Variants in CDH18 observed in about 807,000 individuals in gnomAD.
The protein encoded by CDH18 is cadherin 18, also known as cadherin-18.
In CDH18, 31 loss-of-function variants were observed where a neutral mutation model predicts 67.9. That is an observed-to-expected ratio of 0.46 (90% confidence interval 0.34 to 0.62). CDH18 has a LOEUF of 0.62. Ranked by LOEUF, CDH18 falls within the 20% of genes least tolerant of loss-of-function variation. The probability of loss-of-function intolerance (pLI) is 0.01; values close to 1 mark genes in which losing one functional copy is unlikely to be tolerated. For synonymous variants in CDH18, 362 were observed against 347.2 expected, an observed-to-expected ratio of 1.04 and a Z score of -0.48; for missense variants, 890 against 975.5, an observed-to-expected ratio of 0.91 and a Z score of 1.17.
At chr5:20,332,808 A>T (rs752466902) in intron 1 of CDH18, among the ~76,000 whole-genome samples, 60 of 152,124 alleles carry the variant, frequency 3.9e-4, no homozygotes, top group Non-Finnish European at 8.1e-4. Context: ...GGTGGCTGAA[A>T]AGTCTTCTGA....
At chr5:19,666,090 C>T (rs1020449017) in intron 5 of CDH18, among the ~76,000 whole-genome samples, 1 of 151,190 alleles carries the variant, frequency 6.6e-6, no homozygotes, top group Non-Finnish European at 1.5e-5. Flanking sequence ...TTTTTTTTGA[C>T]ACAGGGTCTT....
rs149900149 is a variant in CDH18, at chr5:20,568,161, A to G, written c.-580+7301T>C. Among the ~76,000 whole-genome samples, 1,151 of 152,318 alleles carry G rather than the reference A, an allele frequency of 7.6e-3. 23 individuals carry two copies. The highest frequency in any genetic ancestry group is 0.038 in the Admixed American group (578 of 15,292). Reference sequence around the variant, plus strand: ...AAACACAGGCTGACAAATGTTAAAAAGCCTTCTCTAAGGTTCTAGAGTGAA... The same window carrying G: ...AAACACAGGCTGACAAATGTTAAAAGGCCTTCTCTAAGGTTCTAGAGTGAA... On this transcript the variant is annotated intron_variant, in intron 1 of 14. Coordinates refer to the CDH18 transcript ENST00000507958.
intron 10 of CDH18, among the ~76,000 whole-genome samples, chr5:19,505,926 T>C (rs1047992690): frequency 5.3e-5 from 8 of 152,136 alleles, no homozygotes; most frequent in Non-Finnish European, 1.0e-4. Flanking sequence ...TGGTAGAATT[T>C]GGCTGTGAAT....
At chr5:20,169,752 A>G (rs996639861) in intron 2 of CDH18, among the ~76,000 whole-genome samples, 2 of 152,184 alleles carry the variant, frequency 1.3e-5, no homozygotes, top group Non-Finnish European at 1.5e-5. Flanking sequence ...AGCAAAATAA[A>G]TAATTCCTGA....
At chr5:19,970,466 G>T (rs1038259301) in intron 2 of CDH18, among the ~76,000 whole-genome samples, 2 of 151,166 alleles carry the variant, frequency 1.3e-5, no homozygotes, top group Admixed American at 6.6e-5. Flanking sequence ...TTTCATTTAA[G>T]ATCACAAGTG....
At chr5:19,759,750 G>C (rs1772092964) in intron 3 of CDH18, among the ~76,000 whole-genome samples, 1 of 152,036 alleles carries the variant, frequency 6.6e-6, no homozygotes, top group Non-Finnish European at 1.5e-5. Flanking sequence ...AGGCCTCCTT[G>C]GGGAAGGAGG....
intron 2 of CDH18, among the ~76,000 whole-genome samples, chr5:19,941,077 A>C (rs982948530): frequency 6.6e-6 from 1 of 152,010 alleles, no homozygotes; most frequent in Non-Finnish European, 1.5e-5. Context: ...CCAATATGAT[A>C]GTATTTGGAG....
intron 2 of CDH18, among the ~76,000 whole-genome samples, chr5:20,210,299 A>T (rs982050130): frequency 4.0e-5 from 6 of 151,706 alleles, no homozygotes; most frequent in African/African-American, 1.5e-4. Flanking sequence ...CATAGAACAC[A>T]TTTTTCTTAG....
chr5:20,471,944 G>A (rs1752119026), intron 1 of CDH18, among the ~76,000 whole-genome samples: 2 of 120 alleles, frequency 0.017, no homozygotes, highest in Non-Finnish European at 0.026. Context: ...CAATACTCCT[G>A]GGTGTCTGTC....
intron 11 of CDH18, among the ~76,000 whole-genome samples, chr5:19,497,146 C>T (rs770294): frequency 0.21 from 32,022 of 151,502 alleles, 3,642 homozygotes; most frequent in African/African-American, 0.27. Context: ...AAAAAAAAGG[C>T]AAACAAACAA....
At chr5:19,489,754 G>A (rs1293163436) in intron 11 of CDH18, among the ~76,000 whole-genome samples, 1 of 151,872 alleles carries the variant, frequency 6.6e-6, no homozygotes, top group South Asian at 2.1e-4. Flanking sequence ...ACTGTATTTC[G>A]GGCTTTACAA....
At chr5:20,446,645 A>C (rs1341009432) in intron 1 of CDH18, among the ~76,000 whole-genome samples, 2 of 152,228 alleles carry the variant, frequency 1.3e-5, no homozygotes, top group South Asian at 2.1e-4. Flanking sequence ...CGTTATCTAG[A>C]AAATACACTA....
intron 2 of CDH18, among the ~76,000 whole-genome samples, chr5:19,944,490 G>C (rs1028153954): frequency 6.6e-6 from 1 of 152,160 alleles, no homozygotes; most frequent in African/African-American, 2.4e-5. Context: ...TGAGAAGATA[G>C]AGATATAAAT....
At chr5:20,411,147 T>C (rs1401900608) in intron 1 of CDH18, among the ~76,000 whole-genome samples, 1 of 151,816 alleles carries the variant, frequency 6.6e-6, no homozygotes. Context: ...AAACAGCAAA[T>C]CTTAAGAACA....
intron 2 of CDH18, among the ~76,000 whole-genome samples, chr5:20,171,166 C>T (rs1003576980): frequency 2.0e-5 from 3 of 151,944 alleles, no homozygotes; most frequent in Middle Eastern, 3.2e-3. Flanking sequence ...GTGAATAGTG[C>T]TGCAATATAC....
intron 5 of CDH18, among the ~76,000 whole-genome samples, chr5:19,613,603 A>G (rs1749353120): frequency 6.6e-6 from 1 of 152,160 alleles, no homozygotes; most frequent in Admixed American, 6.5e-5. Context: ...CTTGGATTGA[A>G]TAAAGAAATG....
At chr5:20,147,201 T>A (rs1750711826) in intron 2 of CDH18, among the ~76,000 whole-genome samples, 1 of 152,156 alleles carries the variant, frequency 6.6e-6, no homozygotes. Flanking sequence ...ATTTGCATAT[T>A]TTGTAGACTT....
At chr5:19,706,056 C>T (rs188720566) in intron 5 of CDH18, among the ~76,000 whole-genome samples, 2 of 152,138 alleles carry the variant, frequency 1.3e-5, no homozygotes, top group African/African-American at 2.4e-5. Context: ...AAGTGGAGCT[C>T]GTAGCTGTAA....
chr5:19,671,000 G>A (rs1758669297), intron 5 of CDH18, among the ~76,000 whole-genome samples: 1 of 152,042 alleles, frequency 6.6e-6, no homozygotes. Flanking sequence ...CTAGTTATTA[G>A]TTCAGTTTAG....
Sources: gnomAD v4.1 joint callset for allele counts (sites outside exome capture counted in the v4.1 genomes callset) on GRCh38, gnomAD v4.1.1 for gene constraint, MANE v1.5 for transcripts, NCBI Gene and HGNC (gene_info 2026-07-23, HGNC 2026-07-21) for gene names.